COL22A1: variants seen among roughly 807,000 people sequenced by gnomAD.
COL22A1 encodes collagen alpha-1(XXII) chain.
A neutral mutation model predicts 248.9 loss-of-function variants in COL22A1; 221 were observed. That is an observed-to-expected ratio of 0.89 (90% CI 0.80 to 0.99). The LOEUF (loss-of-function observed/expected upper bound fraction) is 0.99. COL22A1 is among the 50% of genes least tolerant of loss of function. The pLI, the probability that COL22A1 is intolerant of heterozygous loss-of-function variation, is 0.00. For synonymous variants in COL22A1, 891 were observed against 793.4 expected (o/e 1.12, Z -2.07); for missense variants, 2,240 against 2,179.0 (o/e 1.03, Z -0.56).
intron 16 of COL22A1, among the ~76,000 whole-genome samples, chr8:138,771,452 CAGG>C (rs982580540): frequency 2.0e-5 from 3 of 152,190 alleles, no homozygotes; most frequent in African/African-American, 7.2e-5. Flanking sequence ...GCTTCACAAT[CAGG>C]AGTTCTCCCC....
chr8:138,841,242 C>T (rs1031320408), intron 4 of COL22A1, among the ~76,000 whole-genome samples: 3 of 152,228 alleles, frequency 2.0e-5, no homozygotes, highest in Non-Finnish European at 4.4e-5. Flanking sequence ...CAGGTACGGT[C>T]CTCTACTCTT....
At chr8:138,648,897 G>A (rs1822441990) in intron 46 of COL22A1, among the ~76,000 whole-genome samples, 1 of 152,170 alleles carries the variant, frequency 6.6e-6, no homozygotes, top group South Asian at 2.1e-4. Context: ...GAAAATGTCT[G>A]TAATGGACTT....
rs537648326 is a variant in COL22A1 at position 138,693,013 on chromosome 8, C to G, written c.2754+633G>C. Among the ~76,000 whole-genome samples, 21 of 152,270 alleles carry G rather than the reference C, an allele frequency of 1.4e-4. 1 individual carries two copies. In the East Asian group the frequency reaches 4.1e-3, roughly 29 times the overall value. On this transcript the variant is annotated intron_variant, in intron 35 of 64. Coordinates refer to ENST00000303045, the MANE Select transcript of COL22A1 (RefSeq NM_152888.3). ...CTGCTCCTCTTGCCACCACTGCTCC[C>G]CAGAGACCCGGGGATAAGTCAGCCC... is the stretch of plus-strand genomic sequence containing the variant.
intron 1 of COL22A1, among the ~76,000 whole-genome samples, chr8:138,908,317 A>G (rs1287587935): frequency 6.6e-6 from 1 of 152,240 alleles, no homozygotes; most frequent in African/African-American, 2.4e-5. Flanking sequence ...AATATTAGCC[A>G]GAATGTTACT....
intron 1 of COL22A1, among the ~76,000 whole-genome samples, chr8:138,907,853 T>C (rs976642088): frequency 6.6e-6 from 1 of 152,140 alleles, no homozygotes; most frequent in African/African-American, 2.4e-5. Context: ...ACTAACCTGT[T>C]CCTACAACAG....
At chr8:138,843,029 T>C (rs549636496) in intron 4 of COL22A1, among the ~76,000 whole-genome samples, 8 of 152,298 alleles carry the variant, frequency 5.3e-5, no homozygotes, top group Admixed American at 4.6e-4. Context: ...CGGGGTCAAA[T>C]GTGGACTTCA....
At chr8:138,779,310 G>T (rs1240465633) in intron 14 of COL22A1, among the ~76,000 whole-genome samples, 199 bp downstream of exon 14, 1 of 152,192 alleles carries the variant, frequency 6.6e-6, no homozygotes, top group African/African-American at 2.4e-5. Context: ...AAATAACAAA[G>T]ATAAATGACC....
Position 138,589,401 on chromosome 8 carries a change from G to A in COL22A1, c.4733C>T (p.Pro1578Leu). 1 of 1,592,066 alleles carries A rather than the reference G, an allele frequency of 6.3e-7. No individual in the cohort carries two copies. The highest frequency in any genetic ancestry group is 8.5e-7 in the Non-Finnish European group (1 of 1,169,930). Reference protein sequence around the residue: ...GEPGYAKDGLPGIPGPQGETG... With the variant: ...GEPGYAKDGLLGIPGPQGETG... ...CTCCCCTTGAGGGCCAGGGATCCCA[G>A]GAAGTCCATCTTTAGCATAGCCAGG... Residue 1578 changes from proline (P) to leucine (L), a missense_variant, in exon 65 of 65, where the codon CCT becomes CTT. Physicochemically the swap from Pro to Leu is moderately conservative, Grantham distance 98 (BLOSUM62 -3). Coordinates refer to ENST00000303045, the MANE Select transcript of COL22A1 (RefSeq NM_152888.3).
At position 138,653,962 on chromosome 8, in the gene COL22A1, T is replaced by G. The variant is rs190630636; in HGVS notation, c.3333+1935A>C. ...ACCAGTGAGTCTCCACAGGCTACCCTGCACGTAGGCGCTTGCATTCCTTCT... is the reference window on the plus strand; with the variant it reads ...ACCAGTGAGTCTCCACAGGCTACCCGGCACGTAGGCGCTTGCATTCCTTCT... On this transcript the variant is annotated intron_variant, in intron 45 of 64. Transcript: ENST00000303045. 3.3e-5 allele frequency among the ~76,000 whole-genome samples: 5 copies of G among 152,358 alleles called. No individual in the cohort carries two copies. In the East Asian group the frequency reaches 9.6e-4, roughly 29 times the overall value.
intron 12 of COL22A1, among the ~76,000 whole-genome samples, chr8:138,792,414 C>G (rs1052031051): frequency 6.6e-6 from 1 of 152,232 alleles, no homozygotes; most frequent in Non-Finnish European, 1.5e-5. Flanking sequence ...CTGCTCTCTA[C>G]TCAGCAACCG....
At chr8:138,675,773 C>A (rs1825457573) in intron 41 of COL22A1, among the ~76,000 whole-genome samples, 1 of 152,144 alleles carries the variant, frequency 6.6e-6, no homozygotes, top group Non-Finnish European at 1.5e-5. Context: ...AATATGTGTT[C>A]TTTGTGGTAC....
At chr8:138,628,212 G>A (rs79926601) in intron 50 of COL22A1, among the ~76,000 whole-genome samples, 151 of 150,748 alleles carry the variant, frequency 1.0e-3, no homozygotes, top group Admixed American at 2.3e-3. Context: ...CAAACAGTTT[G>A]TCTTTTAATT....
intron 41 of COL22A1, among the ~76,000 whole-genome samples, chr8:138,671,257 A>G (rs1825000337): frequency 1.3e-5 from 2 of 152,238 alleles, no homozygotes; most frequent in African/African-American, 4.8e-5. Context: ...ATTTAGTATC[A>G]TAAAATATAC....
chr8:138,684,061 C>G (rs878987236), intron 39 of COL22A1, among the ~76,000 whole-genome samples: 2 of 152,002 alleles, frequency 1.3e-5, no homozygotes, highest in Non-Finnish European at 2.9e-5. Context: ...AGTTCAAGAC[C>G]AGCCTGGCCA....
intron 18 of COL22A1, 149 bp from the exon 19 acceptor site, chr8:138,755,978 T>A (rs1832969729): frequency 3.0e-6 from 2 of 670,156 alleles, no homozygotes; most frequent in African/African-American, 3.6e-5. Context: ...CCGAGCCTGC[T>A]GTCTTCTGAA....
intron 5 of COL22A1, 60 bp from the exon 6 acceptor site, chr8:138,826,841 G>C: frequency 6.3e-7 from 1 of 1,595,900 alleles, no homozygotes; most frequent in Non-Finnish European, 8.6e-7. Flanking sequence ...AGCCAGCAAA[G>C]TGAGCCCACA....
intron 17 of COL22A1, among the ~76,000 whole-genome samples, chr8:138,761,383 T>A (rs1278682184): frequency 6.6e-6 from 1 of 152,178 alleles, no homozygotes; most frequent in African/African-American, 2.4e-5. Flanking sequence ...TGGTGAATAT[T>A]TTTTTAAATG....
intron 6 of COL22A1, among the ~76,000 whole-genome samples, chr8:138,823,304 A>C (rs558479132): frequency 4.5e-4 from 68 of 152,364 alleles, no homozygotes; most frequent in African/African-American, 1.5e-3. Context: ...ATTTGCAATA[A>C]TGAATTAAGC....
intron 55 of COL22A1, 73 bp from the exon 56 acceptor site, chr8:138,613,993 G>T: frequency 7.9e-7 from 1 of 1,262,698 alleles, no homozygotes; most frequent in Non-Finnish European, 1.2e-6. Context: ...AATTTCAAAT[G>T]TTAACCAAAC....
Sources: allele counts gnomAD v4.1 joint callset (sites outside exome capture counted in the v4.1 genomes callset), GRCh38; gene constraint gnomAD v4.1.1; transcripts MANE v1.5; gene names NCBI Gene and HGNC (gene_info 2026-07-23, HGNC 2026-07-21).